VSIG10: variants seen among roughly 807,000 people sequenced by gnomAD.
VSIG10 encodes V-set and immunoglobulin domain-containing protein 10.
VSIG10 carries 48 observed loss-of-function variants against 58.7 expected under a neutral mutation model. The observed-to-expected ratio is 0.82, with a 90% CI of 0.65 to 1.04. The LOEUF (loss-of-function observed/expected upper bound fraction) is 1.04. Among genes scored for constraint, VSIG10 ranks in the 50% least tolerant of loss-of-function variants. The pLI is 0.00. For missense variants in VSIG10, 628 were observed against 670.0 expected (o/e 0.94, Z 0.69); for synonymous variants, 260 against 267.1 (o/e 0.97, Z 0.26).
intron 2 of VSIG10, among the ~76,000 whole-genome samples, chr12:118,093,545 C>A (rs537337134): frequency 1.3e-5 from 2 of 151,976 alleles, no homozygotes; most frequent in Non-Finnish European, 2.9e-5. Context: ...GCAGATATGA[C>A]AGACTGTTTT....
intron 1 of VSIG10, among the ~76,000 whole-genome samples, chr12:118,097,287 G>T (rs1366167348): frequency 3.3e-5 from 5 of 152,132 alleles, no homozygotes; most frequent in Non-Finnish European, 7.4e-5. Context: ...TCTTTAAAGT[G>T]TTTGTCTATA....
chr12:118,103,633 G>T lies in VSIG10; in HGVS notation c.39C>A (p.Leu13=), dbSNP rs1010817020. 3 of 1,511,972 alleles carry T rather than the reference G, an allele frequency of 2.0e-6. No individual in the cohort carries two copies. Among genetic ancestry groups the T allele is most frequent in the Non-Finnish European group, 2.6e-6 (3 of 1,136,178 alleles). 93.7% of individuals were successfully genotyped at this position (1,511,972 alleles called of 1,614,324 possible). Residue 13 remains leucine, a synonymous_variant, in exon 1 of 9, where the codon CTC becomes CTA. Transcript: ENST00000359236. ...CGGCCAGGAGCGCCCCGAGGCAGAC[G>T]AGGACGCGGGGCTCGGGCGCACTGC... ...AGGSAPEPRV[L]VCLGALLAGW... is the part of the protein sequence containing the mutation.
chr12:118,094,491 C>T (rs949696931), intron 2 of VSIG10, among the ~76,000 whole-genome samples: 1 of 151,946 alleles, frequency 6.6e-6, no homozygotes, highest in Non-Finnish European at 1.5e-5. Context: ...TTAACCGATT[C>T]TCCTGCCTCA....
At chr12:118,070,353 G>C (rs1487482409) in intron 7 of VSIG10, among the ~76,000 whole-genome samples, 1 of 152,032 alleles carries the variant, frequency 6.6e-6, no homozygotes. Flanking sequence ...TTTGAGACTA[G>C]CCTGGGCAAC....
Position 118,091,663 on chromosome 12 carries a change from T to C in VSIG10, c.361+3870A>G, listed in dbSNP as rs571655227. On this transcript the variant is annotated intron_variant, in intron 2 of 8. Coordinates refer to ENST00000359236, the MANE Select transcript of VSIG10 (RefSeq NM_019086.6). ...AAGCTCTCAATGAATCTATGTTGAA[T>C]AAAGGAATTAGTAGGTTCTTTATTT... 2.4e-4 allele frequency among the ~76,000 whole-genome samples: 36 copies of C among 152,308 alleles called. No homozygotes were observed. In the South Asian group the frequency reaches 7.0e-3, roughly 30 times the overall value.
chr12:118,076,186 G>A (rs149332487), intron 4 of VSIG10, among the ~76,000 whole-genome samples: 1 of 152,244 alleles, frequency 6.6e-6, no homozygotes, highest in Non-Finnish European at 1.5e-5. Context: ...GTGGAGGCCA[G>A]GAGTCTAGAA....
At chr12:118,091,150 A>G (rs1411062214) in intron 2 of VSIG10, among the ~76,000 whole-genome samples, 1 of 151,818 alleles carries the variant, frequency 6.6e-6, no homozygotes, top group African/African-American at 2.4e-5. Flanking sequence ...AACAAACAAC[A>G]ACAAAAAAGT....
intron 2 of VSIG10, among the ~76,000 whole-genome samples, chr12:118,086,905 C>T (rs531636265): frequency 1.3e-5 from 2 of 152,104 alleles, no homozygotes; most frequent in East Asian, 1.9e-4. Context: ...AGATGACAGG[C>T]GTGTGTCACC....
At chr12:118,099,404 CAA>C (rs1362968955) in intron 1 of VSIG10, among the ~76,000 whole-genome samples, 1 of 152,072 alleles carries the variant, frequency 6.6e-6, no homozygotes, top group Non-Finnish European at 1.5e-5. Flanking sequence ...CTCGGGCTCG[CAA>C]AGTGGTGGGA....
intron 3 of VSIG10, among the ~76,000 whole-genome samples, chr12:118,079,938 A>G (rs745699678): frequency 9.9e-5 from 15 of 152,130 alleles, no homozygotes; most frequent in Admixed American, 2.6e-4. Context: ...GGTTCAAGCA[A>G]TTCTCCTGCT....
In VSIG10 at chr12:118,087,127, C is replaced by G. The variant is rs538292611; in HGVS notation, c.362-4698G>C. ...AAGAAACGGCGTTGGCAGCCCTTAACTGCTCTGGACCAAGGGATTTCTGTA... is the reference window on the plus strand; with the variant it reads ...AAGAAACGGCGTTGGCAGCCCTTAAGTGCTCTGGACCAAGGGATTTCTGTA... On this transcript the variant is annotated intron_variant, in intron 2 of 8. Coordinates refer to ENST00000359236, the MANE Select transcript of VSIG10 (RefSeq NM_019086.6). Among the ~76,000 whole-genome samples, 20 of 151,438 alleles carry G rather than the reference C, an allele frequency of 1.3e-4. 1 individual carries two copies. In the South Asian group the frequency reaches 2.7e-3, roughly 21 times the overall value.
rs769500744 is a variant in VSIG10, at chr12:118,082,015, C to T, written c.664+112G>A. On this transcript the variant is annotated intron_variant, in intron 3 of 8. Transcript: ENST00000359236. ...CTGGGCAAGAAGAGGGAAACTCCAT[C>T]TTAAAAAAAAAAAAAAAAAAAAAGA... is the stretch of plus-strand genomic sequence containing the variant. The T allele has an allele frequency of 1.6e-4, 145 of 899,020 alleles. No individual in the cohort carries two copies. The Admixed American group carries it at 1.7e-3, about 10-fold the overall frequency. 55.7% of individuals were successfully genotyped at this position (899,020 alleles called of 1,614,324 possible). A position where few individuals can be genotyped will look rare whatever the true frequency, so the allele number is the denominator to read the frequency against.
At chr12:118,072,805 G>T (rs186869374) in intron 5 of VSIG10, among the ~76,000 whole-genome samples, 1 of 152,092 alleles carries the variant, frequency 6.6e-6, no homozygotes, top group Non-Finnish European at 1.5e-5. Context: ...CTACAGGGAG[G>T]GTTCCCAGGT....
At chr12:118,083,191 T>C (rs1055802378) in intron 2 of VSIG10, among the ~76,000 whole-genome samples, 1 of 144,842 alleles carries the variant, frequency 6.9e-6, no homozygotes, top group Non-Finnish European at 1.5e-5. Flanking sequence ...ACTGTAATCC[T>C]AGCATTTTGG....
At chr12:118,101,533 A>G (rs1428689899) in intron 1 of VSIG10, 1 of 152,196 alleles carries the variant, frequency 6.6e-6, no homozygotes. Flanking sequence ...TTAAATGTAC[A>G]ATAGAGAACC....
rs576727023 is a variant in VSIG10 at position 118,063,682 on chromosome 12, C to T, written c.*2957G>A. 1 of 152,284 alleles carries T rather than the reference C, an allele frequency of 6.6e-6. No individual in the cohort carries two copies. Among genetic ancestry groups the T allele is most frequent in the East Asian group, 1.9e-4 (1 of 5,188 alleles). 9.4% of individuals were successfully genotyped at this position (152,284 alleles called of 1,614,324 possible). A position where few individuals can be genotyped will look rare whatever the true frequency, so the allele number is the denominator to read the frequency against. On this transcript the variant is annotated 3_prime_UTR_variant, in exon 9 of 9. Coordinates refer to ENST00000359236, the MANE Select transcript of VSIG10 (RefSeq NM_019086.6). ...TTCTCCCAACCTCCCCCCACCACATCTTAAAATGTAAATAATGGAGAAGGA... is the reference window on the plus strand; with the variant it reads ...TTCTCCCAACCTCCCCCCACCACATTTTAAAATGTAAATAATGGAGAAGGA...
intron 2 of VSIG10, among the ~76,000 whole-genome samples, chr12:118,083,114 C>CAAAAAAAAAAAAA (rs61523301): frequency 1.8e-5 from 1 of 55,000 alleles, no homozygotes; most frequent in African/African-American, 6.7e-5. Context: ...CTCCGTCTCA[C>CAAAAAAAAAAAAA]AAAAAAAAAA....
chr12:118,094,534 C>T lies in VSIG10; in HGVS notation c.361+999G>A, dbSNP rs953749145. Among the ~76,000 whole-genome samples, 6 of 151,906 alleles carry T rather than the reference C, an allele frequency of 3.9e-5. No individual in the cohort carries two copies. In the South Asian group the frequency reaches 1.0e-3, roughly 26 times the overall value. On this transcript the variant is annotated intron_variant, in intron 2 of 8. Transcript: ENST00000359236. ...GAGTAGCTGGTATTACAGGCACCCA[C>T]CACAATGCCTGGCTAATTTTTGTAT...
chr12:118,100,314 G>A (rs749258009), intron 1 of VSIG10, among the ~76,000 whole-genome samples: 2 of 151,884 alleles, frequency 1.3e-5, no homozygotes, highest in African/African-American at 2.4e-5. Flanking sequence ...TGGCTAACAC[G>A]GTGAAACCCC....
Sources: allele counts gnomAD v4.1 joint callset (sites outside exome capture counted in the v4.1 genomes callset), GRCh38; gene constraint gnomAD v4.1.1; transcripts MANE v1.5; gene names NCBI Gene and HGNC (gene_info 2026-07-23, HGNC 2026-07-21).